The following HYDIN variants were observed in gnomAD, a reference collection of about 807,000 sequenced individuals.
The protein encoded by HYDIN is axonemal central pair apparatus protein HYDIN.
HYDIN carries 132 observed loss-of-function variants against 403.9 expected under a neutral mutation model. That is an observed-to-expected ratio of 0.33 (90% CI 0.28 to 0.38). HYDIN has a LOEUF of 0.38. HYDIN is among the 10% of genes least tolerant of loss of function. The pLI, the probability that HYDIN is intolerant of heterozygous loss-of-function variation, is 1.00. For synonymous variants in HYDIN, 1,202 were observed against 1,891.7 expected, an observed-to-expected ratio of 0.64 and a Z score of 9.46; for missense variants, 2,827 against 5,009.5, an observed-to-expected ratio of 0.56 and a Z score of 13.15.
chr16:71,171,555 C>G lies in HYDIN; in HGVS notation c.516+4052G>C, dbSNP rs183728819. Reference sequence around the variant, plus strand: ...TAATCTTTTCTGGGTACTACACTATCAGGAGTTTTTATAAAGAAATTTCCT... The same window carrying G: ...TAATCTTTTCTGGGTACTACACTATGAGGAGTTTTTATAAAGAAATTTCCT... On this transcript the variant is annotated intron_variant, in intron 5 of 85. Coordinates refer to ENST00000393567, the MANE Select transcript of HYDIN (RefSeq NM_001270974.2). 4.1e-3 allele frequency among the ~76,000 whole-genome samples: 624 copies of G among 152,166 alleles called. 4 individuals are homozygous for G. The highest frequency in any genetic ancestry group is 6.2e-3 in the Non-Finnish European group (419 of 68,010).
chr16:70,838,303 G>C (rs1251614710), intron 76 of HYDIN, among the ~76,000 whole-genome samples: 1 of 151,880 alleles, frequency 6.6e-6, no homozygotes, highest in Non-Finnish European at 1.5e-5. Context: ...CGATTCTCTT[G>C]CCTCAGCCTC....
chr16:70,871,362 G>C (rs1469123258), intron 65 of HYDIN, among the ~76,000 whole-genome samples: 2 of 152,216 alleles, frequency 1.3e-5, no homozygotes, highest in African/African-American at 4.8e-5. Flanking sequence ...AGGAGGCAGT[G>C]AAGACACTGG....
chr16:70,832,205 A>G, intron 80 of HYDIN, among the ~76,000 whole-genome samples: 1 of 101,972 alleles, frequency 9.8e-6, no homozygotes, highest in Non-Finnish European at 2.0e-5. Flanking sequence ...AAGTAAGTGG[A>G]GATGTCAGAC....
At chr16:71,089,538 G>A (rs1390202265) in intron 11 of HYDIN, among the ~76,000 whole-genome samples, 11 of 152,170 alleles carry the variant, frequency 7.2e-5, no homozygotes, top group African/African-American at 1.9e-4. Context: ...TCAGGAACGC[G>A]GAAGCTGAGG....
chr16:71,224,224 A>G (rs554358992), intron 1 of HYDIN, among the ~76,000 whole-genome samples: 3 of 152,350 alleles, frequency 2.0e-5, no homozygotes, highest in Non-Finnish European at 2.9e-5. Flanking sequence ...GTTCTCCCTT[A>G]TAAGTGGGAG....
intron 6 of HYDIN, among the ~76,000 whole-genome samples, chr16:71,162,220 T>C (rs1172705629): frequency 6.6e-6 from 1 of 151,100 alleles, no homozygotes; most frequent in African/African-American, 2.5e-5. Context: ...GTTATAAAAA[T>C]TCTCAGTCAA....
Position 70,879,356 on chromosome 16 carries a change from G to T in HYDIN, c.10498C>A (p.Leu3500Ile). 1 of 1,534,844 alleles carries T rather than the reference G, an allele frequency of 6.5e-7. No homozygotes were observed. The highest frequency in any genetic ancestry group is 1.7e-5 in the Admixed American group (1 of 58,920). The change falls in exon 62 of 86, where the codon CTT becomes ATT. Residue 3500 changes from leucine (L) to isoleucine (I), a missense_variant. Leu to Ile is a conservative substitution (Grantham distance 5). Coordinates refer to ENST00000393567, the MANE Select transcript of HYDIN (RefSeq NM_001270974.2). ...NPLLLFKRLLLGHSEKLPLIL... is the reference protein window; with the variant it reads ...NPLLLFKRLLIGHSEKLPLIL... ...AGAGGCAGCTTCTCTGAATGACCAA[G>T]GAGAAGCCTCTTAAAGAGGAGCAAG... is the stretch of plus-strand genomic sequence containing the variant.
chr16:70,914,190 T>C (rs2076773124), intron 47 of HYDIN, among the ~76,000 whole-genome samples: 1 of 152,174 alleles, frequency 6.6e-6, no homozygotes, highest in Non-Finnish European at 1.5e-5. Context: ...CTTGGTTTTT[T>C]GCTTTTTTGT....
chr16:71,173,587 C>T (rs1157956033), intron 5 of HYDIN, among the ~76,000 whole-genome samples: 1 of 152,052 alleles, frequency 6.6e-6, no homozygotes, highest in Non-Finnish European at 1.5e-5. Context: ...CATGACAAAC[C>T]CCCAATGTAC....
rs1774517 is a variant in HYDIN at position 70,990,853 on chromosome 16, G to A, written c.3864+465C>T. Among the ~76,000 whole-genome samples the A allele has an allele frequency of 8.5e-5, 13 of 152,330 alleles. No individual in the cohort carries two copies. The East Asian group carries it at 1.3e-3, about 16-fold the overall frequency. On this transcript the variant is annotated intron_variant, in intron 25 of 85. Transcript: ENST00000393567. Reference sequence around the variant, plus strand: ...GCCAATTCATACTCCTACCCACACTGTAGGAAAATCCCACTCAACACTATT... The same window carrying A: ...GCCAATTCATACTCCTACCCACACTATAGGAAAATCCCACTCAACACTATT...
chr16:71,215,643 G>A (rs1278480512), intron 1 of HYDIN, among the ~76,000 whole-genome samples: 1 of 151,868 alleles, frequency 6.6e-6, no homozygotes, highest in Non-Finnish European at 1.5e-5. Context: ...CAAGGCAAGA[G>A]GATCACTTGA....
intron 29 of HYDIN, among the ~76,000 whole-genome samples, chr16:70,979,453 T>C (rs568465285): frequency 1.3e-5 from 2 of 152,112 alleles, no homozygotes; most frequent in Admixed American, 1.3e-4. Flanking sequence ...ACTTTTTATG[T>C]TTATTAAATC....
intron 27 of HYDIN, among the ~76,000 whole-genome samples, chr16:70,986,414 G>C (rs2079194307): frequency 6.6e-6 from 1 of 152,208 alleles, no homozygotes; most frequent in African/African-American, 2.4e-5. Context: ...GTGCCCAAAG[G>C]ACCCTGGAGA....
At position 71,192,979 on chromosome 16, in the gene HYDIN, C is replaced by T. The variant is rs140370710; in HGVS notation, c.-23-6061G>A. Among the ~76,000 whole-genome samples the T allele has an allele frequency of 2.0e-5, 3 of 152,320 alleles. No homozygotes were observed. In the East Asian group the frequency reaches 5.8e-4, roughly 29 times the overall value. On this transcript the variant is annotated intron_variant, in intron 1 of 85. Coordinates refer to ENST00000393567, the MANE Select transcript of HYDIN (RefSeq NM_001270974.2). ...CCCATCTGCCTAGCAAACTTCTGTT[C>T]ATCCTACAAAACCCATCTCAAGAAT...
At chr16:71,148,783 GA>G (rs1286026463) in intron 7 of HYDIN, among the ~76,000 whole-genome samples, 3 of 141,212 alleles carry the variant, frequency 2.1e-5, no homozygotes, top group East Asian at 3.9e-4. Context: ...TTTTAAGATG[GA>G]GTCTCACTCT....
chr16:70,807,350 C>T lies in HYDIN; in HGVS notation c.*230G>A. 2 of 491,006 alleles carry T rather than the reference C, an allele frequency of 4.1e-6. No homozygotes were observed. The highest frequency in any genetic ancestry group is 7.0e-6 in the Non-Finnish European group (2 of 284,584). The allele number at this position is 491,006 out of a possible 1,614,324, so 30.4% of individuals were successfully genotyped here. ...TCAAGAAACTCAATTTAGGGACTCA[C>T]AAGGATTCAGTTGTCTAAAATATAG... On this transcript the variant is annotated 3_prime_UTR_variant, in exon 86 of 86. Coordinates refer to ENST00000393567, the MANE Select transcript of HYDIN (RefSeq NM_001270974.2).
chr16:71,224,144 C>A (rs2040926189), intron 1 of HYDIN, among the ~76,000 whole-genome samples: 1 of 152,176 alleles, frequency 6.6e-6, no homozygotes, highest in Admixed American at 6.5e-5. Flanking sequence ...TCTTTTGCAG[C>A]AACTTGGATG....
chr16:70,818,389 G>T lies in HYDIN; in HGVS notation c.14611C>A (p.Pro4871Thr), dbSNP rs1950111074. 1.2e-6 allele frequency: 2 copies of T among 1,613,744 alleles called. No homozygotes were observed. Among genetic ancestry groups the T allele is most frequent in the Non-Finnish European group, 1.7e-6 (2 of 1,179,790 alleles). ...SVTFSTECRMPDIALPSQFVV... is the reference protein window; with the variant it reads ...SVTFSTECRMTDIALPSQFVV... ...AACTGGGAGGGCAGGGCGATGTCGGGCATCCGGCATTCCGTGGAGAAGGTC... is the reference window on the plus strand; with the variant it reads ...AACTGGGAGGGCAGGGCGATGTCGGTCATCCGGCATTCCGTGGAGAAGGTC... Residue 4871 changes from proline (P) to threonine (T), a missense_variant, in exon 84 of 86, where the codon CCC (proline) becomes ACC (threonine). Transcript: ENST00000393567.
In HYDIN at chr16:71,230,687, T is replaced by A. The variant is rs780659207; in HGVS notation, c.-149A>T. On this transcript the variant is annotated 5_prime_UTR_variant, in exon 1 of 86. The change abolishes an upstream ATG in the 5' untranslated region. Transcript: ENST00000393567. ...AGCTTGAAGCCGCCCGCACTCTCCA[T>A]GCGCCGCCCGAGCTGTTGCCGTCCG... 10 of 1,535,900 alleles carry A rather than the reference T, an allele frequency of 6.5e-6. No homozygotes were observed. Among genetic ancestry groups the A allele is most frequent in the African/African-American group, 1.4e-5 (1 of 73,032 alleles).
Sources: allele counts gnomAD v4.1 joint callset (sites outside exome capture counted in the v4.1 genomes callset), GRCh38; gene constraint gnomAD v4.1.1; transcripts MANE v1.5; gene names NCBI Gene and HGNC (gene_info 2026-07-23, HGNC 2026-07-21).